The following GLCCI1 variants were observed in gnomAD, a reference collection of about 807,000 sequenced individuals.
GLCCI1 encodes glucocorticoid-induced transcript 1 protein.
Under a neutral mutation model 52.2 loss-of-function variants are expected in GLCCI1, and 24 were observed. The observed-to-expected ratio is 0.46, with a 90% CI of 0.33 to 0.65. The LOEUF is 0.65. Among genes scored for constraint, GLCCI1 ranks in the 30% least tolerant of loss-of-function variants. GLCCI1 has a pLI of 0.02. For missense variants in GLCCI1, 704 were observed against 701.5 expected, an observed-to-expected ratio of 1.00 and a Z score of -0.04; for synonymous variants, 310 against 276.5, an observed-to-expected ratio of 1.12 and a Z score of -1.20.
At chr7:8,020,566 G>A (rs1329150148) in intron 2 of GLCCI1, among the ~76,000 whole-genome samples, 2 of 152,108 alleles carry the variant, frequency 1.3e-5, no homozygotes, top group African/African-American at 4.8e-5. Flanking sequence ...AATTTTTGTG[G>A]CTATTAATTT....
intron 1 of GLCCI1, among the ~76,000 whole-genome samples, chr7:7,999,976 A>G (rs1354181920): frequency 2.6e-5 from 4 of 152,200 alleles, no homozygotes; most frequent in African/African-American, 7.2e-5. Context: ...TATTTACTAA[A>G]CTAAAAGGAG....
At chr7:8,043,046 C>T (rs1030779802) in intron 3 of GLCCI1, among the ~76,000 whole-genome samples, 2 of 152,208 alleles carry the variant, frequency 1.3e-5, no homozygotes, top group African/African-American at 4.8e-5. Flanking sequence ...ATCTACGAGA[C>T]AAGAGCTTCA....
chr7:7,986,035 G>C, intron 1 of GLCCI1, among the ~76,000 whole-genome samples: 1 of 152,108 alleles, frequency 6.6e-6, no homozygotes. Context: ...TTACAAATCT[G>C]AATTTTTTAA....
At chr7:8,035,375 C>G (rs1245062572) in intron 3 of GLCCI1, among the ~76,000 whole-genome samples, 1 of 152,208 alleles carries the variant, frequency 6.6e-6, no homozygotes, top group Admixed American at 6.5e-5. Flanking sequence ...GAAGGGATAT[C>G]TCTCCTCTGC....
intron 3 of GLCCI1, among the ~76,000 whole-genome samples, chr7:8,027,592 A>G (rs116763271): frequency 0.015 from 2,275 of 152,116 alleles, 53 homozygotes; most frequent in East Asian, 0.083. Context: ...AAATAATAAA[A>G]TGGCAGGAGT....
chr7:8,069,589 C>T (rs972182688), intron 5 of GLCCI1, among the ~76,000 whole-genome samples: 17 of 152,062 alleles, frequency 1.1e-4, no homozygotes, highest in Non-Finnish European at 1.5e-5. Context: ...ACAGGGAGGA[C>T]ATGGGCTCCT....
At chr7:7,972,955 CTTGT>C in intron 1 of GLCCI1, among the ~76,000 whole-genome samples, 1 of 151,924 alleles carries the variant, frequency 6.6e-6, no homozygotes, top group Non-Finnish European at 1.5e-5. Context: ...CCTCTTTTTG[CTTGT>C]TTTTTTTCTT....
At chr7:8,081,060 A>C (rs1006877793) in intron 6 of GLCCI1, among the ~76,000 whole-genome samples, 2 of 152,204 alleles carry the variant, frequency 1.3e-5, no homozygotes, top group African/African-American at 4.8e-5. Context: ...CAGAGGGATC[A>C]GACTTACCCT....
intron 3 of GLCCI1, among the ~76,000 whole-genome samples, chr7:8,023,589 T>A (rs367914432): frequency 3.9e-5 from 2 of 51,828 alleles, no homozygotes; most frequent in African/African-American, 1.9e-4. Flanking sequence ...TCTGTTATTC[T>A]TTTTTTTTTT....
At chr7:8,039,723 G>A (rs9770673) in intron 3 of GLCCI1, among the ~76,000 whole-genome samples, 2,013 of 152,252 alleles carry the variant, frequency 0.013, 18 homozygotes, top group Middle Eastern at 0.048. Context: ...TCAGCCGGGC[G>A]CAGTGGCCCA....
chr7:8,040,938 C>G (rs970003122), intron 3 of GLCCI1, among the ~76,000 whole-genome samples: 4 of 152,256 alleles, frequency 2.6e-5, no homozygotes, highest in African/African-American at 9.6e-5. Context: ...ACAGTGACCT[C>G]TTAAGTGTTC....
chr7:7,973,634 T>G (rs536964425), intron 1 of GLCCI1, among the ~76,000 whole-genome samples: 56 of 152,254 alleles, frequency 3.7e-4, no homozygotes, highest in African/African-American at 1.3e-3. Context: ...TGATTTAACA[T>G]ATCAGGTTTA....
chr7:8,042,703 T>C (rs1782028845), intron 3 of GLCCI1, among the ~76,000 whole-genome samples: 1 of 152,190 alleles, frequency 6.6e-6, no homozygotes, highest in Non-Finnish European at 1.5e-5. Context: ...TTTGCATGAA[T>C]GAGGAATTGC....
At chr7:8,054,903 G>C (rs1782350396) in intron 3 of GLCCI1, among the ~76,000 whole-genome samples, 1 of 151,580 alleles carries the variant, frequency 6.6e-6, no homozygotes, top group African/African-American at 2.4e-5. Flanking sequence ...TATGATTACA[G>C]AGTAATATAT....
At chr7:8,034,018 A>G (rs1358927208) in intron 3 of GLCCI1, among the ~76,000 whole-genome samples, 5 of 152,156 alleles carry the variant, frequency 3.3e-5, no homozygotes, top group Admixed American at 2.6e-4. Flanking sequence ...GTGAACCTAC[A>G]TTAATATAGT....
intron 2 of GLCCI1, among the ~76,000 whole-genome samples, chr7:8,012,093 G>T (rs149303885): frequency 0.037 from 5,601 of 151,540 alleles, 144 homozygotes; most frequent in Non-Finnish European, 0.057. Flanking sequence ...AGGATTACAG[G>T]CATGAGTCAC....
At chr7:8,053,339 G>GTTTTTT (rs112047406) in intron 3 of GLCCI1, among the ~76,000 whole-genome samples, 1 of 134,400 alleles carries the variant, frequency 7.4e-6, no homozygotes, top group Non-Finnish European at 1.6e-5. Flanking sequence ...TTGTTTGTTT[G>GTTTTTT]TTTTGAGACA....
intron 1 of GLCCI1, among the ~76,000 whole-genome samples, chr7:7,994,017 G>A (rs1270981529): frequency 2.6e-5 from 4 of 152,124 alleles, no homozygotes; most frequent in Non-Finnish European, 4.4e-5. Context: ...TTTGGCTATT[G>A]TCTTAATCTG....
At chr7:8,084,441 A>G (rs1327811876) in intron 6 of GLCCI1, among the ~76,000 whole-genome samples, 2 of 152,210 alleles carry the variant, frequency 1.3e-5, no homozygotes, top group African/African-American at 2.4e-5. Context: ...GATATTTAGC[A>G]AAAATAACAT....
Sources: allele counts gnomAD v4.1 joint callset (sites outside exome capture counted in the v4.1 genomes callset), GRCh38; gene constraint gnomAD v4.1.1; transcripts MANE v1.5; gene names NCBI Gene and HGNC (gene_info 2026-07-23, HGNC 2026-07-21).